The following CHST11 variants were observed in gnomAD, a reference collection of about 807,000 sequenced individuals.
The protein encoded by CHST11 is carbohydrate sulfotransferase 11.
In CHST11, 9 loss-of-function variants were observed where a neutral mutation model predicts 30.4. The observed-to-expected ratio is 0.30, with a 90% CI of 0.18 to 0.52. The LOEUF is 0.52. CHST11 is among the 20% of genes least tolerant of loss of function. The probability of loss-of-function intolerance (pLI) is 0.97; values close to 1 mark genes in which losing one functional copy is unlikely to be tolerated. For synonymous variants in CHST11, 152 were observed against 187.8 expected, an observed-to-expected ratio of 0.81 and a Z score of 1.56; for missense variants, 348 against 460.6, an observed-to-expected ratio of 0.76 and a Z score of 2.24.
intron 2 of CHST11, among the ~76,000 whole-genome samples, chr12:104,639,403 C>T (rs2039354397): frequency 6.6e-6 from 1 of 152,152 alleles, no homozygotes; most frequent in Non-Finnish European, 1.5e-5. Flanking sequence ...ATGGTATATC[C>T]ATACAATTGA....
At chr12:104,642,440 G>A (rs1455832481) in intron 2 of CHST11, among the ~76,000 whole-genome samples, 23 of 151,838 alleles carry the variant, frequency 1.5e-4, no homozygotes, top group African/African-American at 4.8e-4. Context: ...TTGCTGTGTC[G>A]CCCAGGCTGG....
intron 2 of CHST11, among the ~76,000 whole-genome samples, chr12:104,742,604 C>G (rs372069577): frequency 1.8e-4 from 27 of 152,222 alleles, no homozygotes; most frequent in African/African-American, 6.5e-4. Flanking sequence ...GGCAGCAGCC[C>G]CATTCCTATT....
chr12:104,672,328 G>T (rs945654401), intron 2 of CHST11, among the ~76,000 whole-genome samples: 1 of 152,116 alleles, frequency 6.6e-6, no homozygotes, highest in Admixed American at 6.5e-5. Context: ...TTAGGGGCCC[G>T]GCTGTCCAGC....
At chr12:104,516,565 T>C (rs1216576870) in intron 1 of CHST11, among the ~76,000 whole-genome samples, 1 of 152,110 alleles carries the variant, frequency 6.6e-6, no homozygotes, top group East Asian at 1.9e-4. Context: ...CCTGAGCCCC[T>C]GAGTCCATGC....
chr12:104,580,000 T>C (rs374294728), intron 1 of CHST11, among the ~76,000 whole-genome samples: 3 of 152,312 alleles, frequency 2.0e-5, no homozygotes. Context: ...CTGTGGACAA[T>C]GATCACATAA....
chr12:104,527,892 AGAGT>A, intron 1 of CHST11, among the ~76,000 whole-genome samples: 1 of 152,188 alleles, frequency 6.6e-6, no homozygotes, highest in Non-Finnish European at 1.5e-5. Context: ...AGCAGGAGAG[AGAGT>A]AAGGGAGGAA....
At chr12:104,544,138 A>G (rs56231150) in intron 1 of CHST11, among the ~76,000 whole-genome samples, 902 of 71,428 alleles carry the variant, frequency 0.013, 28 homozygotes, top group African/African-American at 0.042. Flanking sequence ...AAAAAAAAAA[A>G]AAAGAAAGAA....
intron 1 of CHST11, among the ~76,000 whole-genome samples, chr12:104,506,710 C>T (rs927809532): frequency 6.6e-6 from 1 of 152,144 alleles, no homozygotes; most frequent in Admixed American, 6.5e-5. Flanking sequence ...AGGAAATGTT[C>T]CCCAGGCGGG....
At chr12:104,667,985 T>TGG (rs2039657518) in intron 2 of CHST11, among the ~76,000 whole-genome samples, 1 of 152,180 alleles carries the variant, frequency 6.6e-6, no homozygotes, top group Non-Finnish European at 1.5e-5. Flanking sequence ...ACTGGATTCA[T>TGG]GGGGTTTTGT....
chr12:104,618,129 G>A (rs769075166), intron 2 of CHST11, among the ~76,000 whole-genome samples: 3 of 151,628 alleles, frequency 2.0e-5, no homozygotes, highest in Non-Finnish European at 2.9e-5. Flanking sequence ...GGCTGGTCTC[G>A]AACTCCTGAC....
In CHST11 at chr12:104,719,640, C is replaced by T. The variant is rs118110633; in HGVS notation, c.205-37309C>T. On this transcript the variant is annotated intron_variant, in intron 2 of 2. Transcript: ENST00000303694. ...TACTTCAGGGCAAATGACTGGCTGG[C>T]GTTATCAGCATTTTTCAAGTTATAA... Among the ~76,000 whole-genome samples, 310 of 152,326 alleles carry T rather than the reference C, an allele frequency of 2.0e-3. 6 individuals carry two copies. The East Asian group carries it at 0.055, about 27-fold the overall frequency.
intron 2 of CHST11, among the ~76,000 whole-genome samples, chr12:104,724,847 T>C (rs966081273): frequency 1.3e-5 from 2 of 152,200 alleles, no homozygotes; most frequent in African/African-American, 4.8e-5. Context: ...AATGAATAAT[T>C]TTATAGTATA....
At chr12:104,492,608 A>G (rs756435261) in intron 1 of CHST11, among the ~76,000 whole-genome samples, 5 of 152,218 alleles carry the variant, frequency 3.3e-5, no homozygotes, top group Admixed American at 2.6e-4. Context: ...TGGAAGTTGC[A>G]AGTAAAGAAT....
At chr12:104,742,972 A>C (rs1455909179) in intron 2 of CHST11, among the ~76,000 whole-genome samples, 10 of 152,248 alleles carry the variant, frequency 6.6e-5, no homozygotes, top group Admixed American at 2.6e-4. Context: ...TCTAAGCCAG[A>C]AATCTCCACC....
At chr12:104,597,979 C>T (rs915644191) in intron 1 of CHST11, among the ~76,000 whole-genome samples, 3 of 152,178 alleles carry the variant, frequency 2.0e-5, no homozygotes, top group African/African-American at 7.2e-5. Flanking sequence ...CCCTGCCATG[C>T]CTCAGTATTC....
chr12:104,722,831 C>T (rs1161143676), intron 2 of CHST11, among the ~76,000 whole-genome samples: 4 of 152,102 alleles, frequency 2.6e-5, no homozygotes, highest in Non-Finnish European at 4.4e-5. Context: ...GAGCCAAGAC[C>T]TTTGTGAGGC....
intron 1 of CHST11, among the ~76,000 whole-genome samples, chr12:104,533,183 A>G (rs1016966530): frequency 1.3e-5 from 2 of 152,158 alleles, no homozygotes; most frequent in Admixed American, 6.5e-5. Flanking sequence ...ACCCACCTCC[A>G]TGACTGTACT....
At chr12:104,494,239 G>A (rs1026171300) in intron 1 of CHST11, among the ~76,000 whole-genome samples, 3 of 152,154 alleles carry the variant, frequency 2.0e-5, no homozygotes, top group Non-Finnish European at 2.9e-5. Context: ...AAGAGATGCC[G>A]TGCCGATGAG....
chr12:104,556,146 G>A (rs1381362569), intron 1 of CHST11, among the ~76,000 whole-genome samples: 1 of 152,202 alleles, frequency 6.6e-6, no homozygotes, highest in African/African-American at 2.4e-5. Flanking sequence ...GCTGATGCTT[G>A]TTTATTTTTT....
Sources: allele counts gnomAD v4.1 joint callset (sites outside exome capture counted in the v4.1 genomes callset), GRCh38; gene constraint gnomAD v4.1.1; transcripts MANE v1.5; gene names NCBI Gene and HGNC (gene_info 2026-07-23, HGNC 2026-07-21).